The following MTRF1 variants were observed in gnomAD, a reference collection of about 807,000 sequenced individuals.
MTRF1 encodes mitochondrial translation release factor 1.
MTRF1 carries 51 observed loss-of-function variants against 62.9 expected under a neutral mutation model. The ratio of observed to expected loss-of-function variants is 0.81; its 90% CI spans 0.65 to 1.02. MTRF1 has a LOEUF of 1.02. Ranked by LOEUF, MTRF1 falls within the 50% of genes least tolerant of loss-of-function variation. The pLI, the probability that MTRF1 is intolerant of heterozygous loss-of-function variation, is 0.00. For missense variants in MTRF1, 446 were observed against 530.0 expected (o/e 0.84, Z 1.56); for synonymous variants, 158 against 181.9 (o/e 0.87, Z 1.06).
intron 6 of MTRF1, among the ~76,000 whole-genome samples, chr13:41,237,472 G>A: frequency 6.6e-6 from 1 of 151,546 alleles, no homozygotes; most frequent in Non-Finnish European, 1.5e-5. Flanking sequence ...CATTTCAGAT[G>A]ATCTCTGAGC....
intron 6 of MTRF1, 65 bp downstream of exon 6, chr13:41,240,196 C>T: frequency 6.9e-7 from 1 of 1,440,896 alleles, no homozygotes; most frequent in South Asian, 1.4e-5. Flanking sequence ...TTCCTAGAAG[C>T]TAAGGCTTCC....
At chr13:41,258,451 G>A (rs1463440558) in intron 2 of MTRF1, among the ~76,000 whole-genome samples, 1 of 150,980 alleles carries the variant, frequency 6.6e-6, no homozygotes, top group Non-Finnish European at 1.5e-5. Flanking sequence ...GCAGTATTGA[G>A]AAATACTAAA....
At chr13:41,256,124 C>G (rs11147837) in intron 2 of MTRF1, among the ~76,000 whole-genome samples, 84,391 of 151,890 alleles carry the variant, frequency 0.56, 23,817 homozygotes, top group South Asian at 0.62. Context: ...GGGGAGACAA[C>G]GAAGAAAAAA....
intron 5 of MTRF1, among the ~76,000 whole-genome samples, chr13:41,245,806 G>A (rs946073917): frequency 2.1e-4 from 32 of 152,150 alleles, no homozygotes; most frequent in African/African-American, 7.7e-4. Flanking sequence ...TTTGTGTAAT[G>A]TTCAAATAAA....
intron 5 of MTRF1, among the ~76,000 whole-genome samples, chr13:41,241,247 T>A (rs2037452340): frequency 6.6e-6 from 1 of 152,206 alleles, no homozygotes; most frequent in South Asian, 2.1e-4. Flanking sequence ...GGTTTCACTA[T>A]GTTGGCCAGG....
At chr13:41,311,516 C>T in the MTRF1 span, 12 of 1,596,716 alleles carry the variant, frequency 7.5e-6, no homozygotes, top group South Asian at 1.1e-5. Context: ...ACCTAGCCTC[C>T]CTGCCGGCCA....
At chr13:41,225,825 AAAG>A (rs914123200) in intron 8 of MTRF1, among the ~76,000 whole-genome samples, 4 of 151,424 alleles carry the variant, frequency 2.6e-5, no homozygotes, top group African/African-American at 9.7e-5. Context: ...AAAAAAAAAA[AAAG>A]AATTTAAATT....
chr13:41,231,574 A>G (rs1207615438), intron 7 of MTRF1, among the ~76,000 whole-genome samples: 1 of 152,226 alleles, frequency 6.6e-6, no homozygotes, highest in Non-Finnish European at 1.5e-5. Context: ...TCACAAGAGA[A>G]AAGGTCTACA....
intron 7 of MTRF1, among the ~76,000 whole-genome samples, chr13:41,233,068 A>G (rs2035874428): frequency 6.6e-6 from 1 of 152,228 alleles, no homozygotes; most frequent in African/African-American, 2.4e-5. Flanking sequence ...AAGAAAAGGT[A>G]TATAAGAAGG....
the MTRF1 span, among the ~76,000 whole-genome samples, chr13:41,283,292 C>T: frequency 2.2e-4 from 34 of 152,278 alleles, no homozygotes; most frequent in African/African-American, 7.5e-4. Context: ...CTCCTCTGGG[C>T]GCTGCTGTCC....
chr13:41,237,087 C>T (rs767224464), intron 6 of MTRF1, among the ~76,000 whole-genome samples: 3 of 151,748 alleles, frequency 2.0e-5, no homozygotes, highest in Non-Finnish European at 4.4e-5. Flanking sequence ...GGCATTGTGG[C>T]ACACACCTGT....
At chr13:41,295,588 C>G in the MTRF1 span, among the ~76,000 whole-genome samples, 14 of 151,724 alleles carry the variant, frequency 9.2e-5, no homozygotes, top group East Asian at 2.7e-3. Flanking sequence ...TACATTTTAT[C>G]GAGATAATCC....
chr13:41,279,989 G>A, the MTRF1 span, among the ~76,000 whole-genome samples: 1 of 152,250 alleles, frequency 6.6e-6, no homozygotes, highest in East Asian at 1.9e-4. Context: ...CCAGGCTGGA[G>A]GACAGTGGCC....
At chr13:41,253,076 T>C (rs760813002) in intron 3 of MTRF1, 46 bp from the exon 4 acceptor site, 13 of 1,382,046 alleles carry the variant, frequency 9.4e-6, no homozygotes, top group Middle Eastern at 1.8e-4. Flanking sequence ...CCCGGTACAC[T>C]ATTACTGAAT....
At chr13:41,274,910 GC>G in the MTRF1 span, among the ~76,000 whole-genome samples, 1 of 151,984 alleles carries the variant, frequency 6.6e-6, no homozygotes, top group Non-Finnish European at 1.5e-5. Context: ...TCCGTGCCCG[GC>G]CTATTATTAT....
chr13:41,264,039 C>A (rs1250971794), upstream of MTRF1, among the ~76,000 whole-genome samples: 4 of 152,134 alleles, frequency 2.6e-5, no homozygotes, highest in Admixed American at 1.3e-4. Flanking sequence ...TGTGAAATTA[C>A]AATAATTTCC....
intron 5 of MTRF1, among the ~76,000 whole-genome samples, chr13:41,244,222 TTTC>T (rs1420761044): frequency 9.7e-5 from 2 of 20,580 alleles, no homozygotes; most frequent in Non-Finnish European, 2.3e-4. Flanking sequence ...TTAACTCAAC[TTTC>T]TTTCTTTCAG....
chr13:41,301,464 C>T, the MTRF1 span, among the ~76,000 whole-genome samples: 5 of 152,030 alleles, frequency 3.3e-5, no homozygotes, highest in Admixed American at 2.6e-4. Flanking sequence ...AGGCAAAGGA[C>T]AGGTTGGGTG....
intron 5 of MTRF1, among the ~76,000 whole-genome samples, chr13:41,249,109 C>T (rs2038680665): frequency 6.6e-6 from 1 of 151,930 alleles, no homozygotes; most frequent in Admixed American, 6.6e-5. Flanking sequence ...CTATGAGTTC[C>T]TCTCCATTTC....
Sources: gnomAD v4.1 joint callset for allele counts (sites outside exome capture counted in the v4.1 genomes callset) on GRCh38, gnomAD v4.1.1 for gene constraint, MANE v1.5 for transcripts, NCBI Gene and HGNC (gene_info 2026-07-23, HGNC 2026-07-21) for gene names.